RETREG3: variants seen among roughly 807,000 people sequenced by gnomAD.
RETREG3 encodes the protein reticulophagy regulator family member 3, also known as reticulophagy regulator 3.
Under a neutral mutation model 50.2 loss-of-function variants are expected in RETREG3, and 23 were observed. The observed-to-expected ratio is 0.46, with a 90% CI of 0.33 to 0.65. RETREG3 has a LOEUF of 0.65. Among genes scored for constraint, RETREG3 ranks in the 30% least tolerant of loss-of-function variants. RETREG3 has a pLI of 0.02. For missense variants in RETREG3, 546 were observed against 598.0 expected, an observed-to-expected ratio of 0.91 and a Z score of 0.91; for synonymous variants, 240 against 234.4, an observed-to-expected ratio of 1.02 and a Z score of -0.22.
intron 1 of RETREG3, among the ~76,000 whole-genome samples, chr17:42,595,874 C>G (rs2093143288): frequency 1.3e-5 from 2 of 148,838 alleles, no homozygotes; most frequent in South Asian, 4.2e-4. Flanking sequence ...GCACCCCAGG[C>G]TGGGAAACAG....
At chr17:42,608,231 A>G (rs982134188) in intron 1 of RETREG3, among the ~76,000 whole-genome samples, 7 of 152,216 alleles carry the variant, frequency 4.6e-5, no homozygotes, top group African/African-American at 1.7e-4. Context: ...AAATAAATCC[A>G]AAATTATGGT....
intron 7 of RETREG3, among the ~76,000 whole-genome samples, chr17:42,583,197 T>G (rs986008284): frequency 6.6e-6 from 1 of 152,170 alleles, no homozygotes; most frequent in Admixed American, 6.5e-5. Context: ...AAGGGTGAAC[T>G]GGGCTGTTTA....
intron 6 of RETREG3, among the ~76,000 whole-genome samples, chr17:42,583,962 C>T (rs1281895883): frequency 6.6e-6 from 1 of 152,170 alleles, no homozygotes; most frequent in African/African-American, 2.4e-5. Flanking sequence ...TGCTCACCAT[C>T]ACACCTGGCT....
Position 42,581,766 on chromosome 17 carries a change from G to A in RETREG3, c.*47C>T, listed in dbSNP as rs1309546353. On this transcript the variant is annotated 3_prime_UTR_variant, in exon 9 of 9. Coordinates refer to ENST00000309428, the MANE Select transcript of RETREG3 (RefSeq NM_178126.4). ...TGCCCCATCACCTTAAGTGGGATGG[G>A]GAGAAAAAAACCTAAACCACAGTGA... 1.3e-6 allele frequency: 2 copies of A among 1,495,202 alleles called. No homozygotes were observed. The highest frequency in any genetic ancestry group is 2.3e-5 in the East Asian group (1 of 43,808). 92.6% of individuals were successfully genotyped at this position (1,495,202 alleles called of 1,614,324 possible). A position where few individuals can be genotyped will look rare whatever the true frequency, so the allele number is the denominator to read the frequency against.
chr17:42,600,083 A>C (rs2093155812), intron 1 of RETREG3, among the ~76,000 whole-genome samples: 1 of 152,132 alleles, frequency 6.6e-6, no homozygotes, highest in African/African-American at 2.4e-5. Context: ...AAAACAACAA[A>C]TAAAACCACA....
At chr17:42,583,841 C>G (rs2093115495) in intron 6 of RETREG3, among the ~76,000 whole-genome samples, 1 of 152,066 alleles carries the variant, frequency 6.6e-6, no homozygotes, top group African/African-American at 2.4e-5. Context: ...GAGTTTTGTT[C>G]TTGTTGCCCA....
rs753080144 is a variant in RETREG3, at chr17:42,586,871, C to T, written c.398G>A (p.Arg133Gln). 12 of 1,613,882 alleles carry T rather than the reference C, an allele frequency of 7.4e-6. No homozygotes were observed. In the Admixed American group the frequency reaches 1.0e-4, roughly 13 times the overall value. ...GCAGAGCTCGGGCACGCTGAGCAAC[C>T]GAGGGTGCACAAAGCCCCAGCTATG... ...DNESWGFVHP[R>Q]LLSVPELCHH... The change falls in exon 4 of 9, where the codon CGG becomes CAG. Residue 133 changes from arginine to glutamine, a missense_variant. Coordinates refer to ENST00000309428, the MANE Select transcript of RETREG3 (RefSeq NM_178126.4).
intron 8 of RETREG3, 128 bp from the exon 9 acceptor site, chr17:42,582,398 T>C: frequency 2.2e-6 from 2 of 920,060 alleles, no homozygotes; most frequent in East Asian, 2.5e-5. Context: ...CTGGTATACC[T>C]TTCCCCTCCA....
chr17:42,597,886 T>A (rs1212845762), intron 1 of RETREG3, among the ~76,000 whole-genome samples: 1 of 150,398 alleles, frequency 6.6e-6, no homozygotes, highest in Non-Finnish European at 1.5e-5. Context: ...CGCCTCAGCC[T>A]CCCAAAATGT....
At chr17:42,594,950 ATT>A (rs1026764118) in intron 1 of RETREG3, among the ~76,000 whole-genome samples, 1 of 135,350 alleles carries the variant, frequency 7.4e-6, no homozygotes, top group Admixed American at 7.5e-5. Flanking sequence ...TTGTTTGTAG[ATT>A]TTTTTTTTTA....
chr17:42,602,821 G>A (rs2093160989), intron 1 of RETREG3, among the ~76,000 whole-genome samples: 1 of 152,064 alleles, frequency 6.6e-6, no homozygotes, highest in Non-Finnish European at 1.5e-5. Context: ...ACACACACCT[G>A]TAGTCCCCAC....
intron 2 of RETREG3, among the ~76,000 whole-genome samples, chr17:42,589,400 C>A (rs1227878211): frequency 6.6e-6 from 1 of 152,142 alleles, no homozygotes; most frequent in Admixed American, 6.6e-5. Flanking sequence ...TTAGCTTTAA[C>A]CCCCATCCAC....
chr17:42,608,779 T>C, intron 1 of RETREG3: 1 of 342,164 alleles, frequency 2.9e-6, no homozygotes, highest in Non-Finnish European at 5.3e-6. Context: ...GGACGCAGCT[T>C]TGTCGGGCTC....
In RETREG3 at chr17:42,586,824, C is replaced by T; in HGVS notation, c.445G>A (p.Val149Ile). Residue 149 changes from valine (V) to isoleucine (I), a missense_variant, in exon 4 of 9, where the codon GTT (valine) becomes ATT (isoleucine). Transcript: ENST00000309428. ...TTCCTTATGAAAATGGTCCCACTAA[C>T]CCAGACTTCAGCTACATGGTGGCAG... ...ELCHHVAEVW[V>I]SGTIFIRNVL... The T allele has an allele frequency of 6.2e-7, 1 of 1,614,132 alleles. No individual in the cohort carries two copies. Among genetic ancestry groups the T allele is most frequent in the Non-Finnish European group, 8.5e-7 (1 of 1,180,020 alleles).
intron 2 of RETREG3, among the ~76,000 whole-genome samples, chr17:42,591,446 T>C (rs775751370): frequency 6.6e-6 from 1 of 152,046 alleles, no homozygotes; most frequent in Non-Finnish European, 1.5e-5. Context: ...GTTCAAGTGA[T>C]TCTCCTGCCT....
chr17:42,579,578 A>G lies in RETREG3; in HGVS notation c.*2235T>C, dbSNP rs1242474299. On this transcript the variant is annotated 3_prime_UTR_variant, in exon 9 of 9. Coordinates refer to ENST00000309428, the MANE Select transcript of RETREG3 (RefSeq NM_178126.4). ...CCCTCCTCAGTTCACAGTGGAGACT[A>G]TGGAGATTCAGGGCAGGATCCCTCA... The G allele has an allele frequency of 2.6e-5, 4 of 152,786 alleles. No individual in the cohort carries two copies. Among genetic ancestry groups the G allele is most frequent in the African/African-American group, 9.7e-5 (4 of 41,400 alleles). The allele number at this position is 152,786 out of a possible 1,614,324, so 9.5% of individuals were successfully genotyped here.
intron 1 of RETREG3, among the ~76,000 whole-genome samples, chr17:42,594,147 C>T (rs921685361): frequency 2.0e-5 from 3 of 152,178 alleles, no homozygotes; most frequent in African/African-American, 7.2e-5. Context: ...GGAGATCGCA[C>T]CACTGCACCT....
Position 42,586,854 on chromosome 17 carries a change from C to T in RETREG3, c.415G>A (p.Glu139Lys), listed in dbSNP as rs1224961902. The T allele has an allele frequency of 1.1e-5, 18 of 1,613,940 alleles. No individual in the cohort carries two copies. Among genetic ancestry groups the T allele is most frequent in the Admixed American group, 1.7e-5 (1 of 59,994 alleles). Residue 139 changes from glutamate to lysine, a missense_variant, in exon 4 of 9, where the codon GAG becomes AAG. By Grantham distance (56) the Glu-to-Lys change is moderately conservative. Transcript: ENST00000309428. Reference protein sequence around the residue: ...FVHPRLLSVPELCHHVAEVWV... With the variant: ...FVHPRLLSVPKLCHHVAEVWV... ...ACTTCAGCTACATGGTGGCAGAGCT[C>T]GGGCACGCTGAGCAACCGAGGGTGC... is the stretch of plus-strand genomic sequence containing the variant.
Position 42,582,680 on chromosome 17 carries a change from A to C in RETREG3, c.937T>G (p.Ser313Ala). ...GGTCAAAGGCTCCCCTCACCTTCAG[A>C]GCCTTCCGTTAGAGGTGTTTGGCCC... is the stretch of plus-strand genomic sequence containing the variant. ...SRGQTPLTEG[S>A]EDLDGHSDPE... The change falls in exon 8 of 9, where the codon TCT becomes GCT. Residue 313 changes from serine to alanine, a missense_variant. Ser to Ala is a moderately conservative substitution (Grantham distance 99). Transcript: ENST00000309428. The C allele has an allele frequency of 6.2e-7, 1 of 1,614,188 alleles. No homozygotes were observed. Among genetic ancestry groups the C allele is most frequent in the Non-Finnish European group, 8.5e-7 (1 of 1,180,026 alleles).
Sources: gnomAD v4.1 joint callset for allele counts (sites outside exome capture counted in the v4.1 genomes callset) on GRCh38, gnomAD v4.1.1 for gene constraint, MANE v1.5 for transcripts, NCBI Gene and HGNC (gene_info 2026-07-23, HGNC 2026-07-21) for gene names.